ZEB1: variants seen among roughly 807,000 people sequenced by gnomAD.
ZEB1 encodes zinc finger E-box-binding homeobox 1.
A neutral mutation model predicts 84.9 loss-of-function variants in ZEB1; 21 were observed. The observed-to-expected ratio is 0.25, with a 90% confidence interval of 0.18 to 0.36. The LOEUF is 0.36. Ranked by LOEUF, ZEB1 falls within the 10% of genes least tolerant of loss-of-function variation. The pLI, the probability that ZEB1 is intolerant of heterozygous loss-of-function variation, is 1.00. For synonymous variants in ZEB1, 420 were observed against 471.1 expected (o/e 0.89, Z 1.41); for missense variants, 1,104 against 1,330.2 (o/e 0.83, Z 2.65).
intron 6 of ZEB1, among the ~76,000 whole-genome samples, chr10:31,515,291 GTGT>G (rs1442639523): frequency 1.3e-5 from 2 of 152,034 alleles, no homozygotes; most frequent in African/African-American, 2.4e-5. Context: ...TGCGATGAAA[GTGT>G]TGTGTCTATT....
In ZEB1 at chr10:31,465,760, T is replaced by C. The variant is rs549127047; in HGVS notation, c.259+4523T>C. On this transcript the variant is annotated intron_variant, in intron 2 of 8. Transcript: ENST00000424869. ...TCCTAAGTAGCTAGGACTACAGGCA[T>C]ATGCCACCACATGTGGCTAATTTAA... Among the ~76,000 whole-genome samples, 8 of 151,616 alleles carry C rather than the reference T, an allele frequency of 5.3e-5. No individual in the cohort carries two copies. The East Asian group carries it at 1.6e-3, about 29-fold the overall frequency.
Position 31,521,932 on chromosome 10 carries a change from A to G in ZEB1, c.2600A>G (p.Asn867Ser), listed in dbSNP as rs745612409. Residue 867 changes from asparagine to serine, a missense_variant, in exon 7 of 9, where the codon AAT becomes AGT. By Grantham distance (46) the Asn-to-Ser change is conservative. This residue lies in a region of ZEB1 where 531 missense variants were observed against 575.2 expected (regional missense o/e 0.92). Transcript: ENST00000424869. The stretch of plus-strand genomic sequence containing the variant: ...TTGAAAGTGATCCAGCCAAATGGAA[A>G]TCAGGTAAAAAATAACCTCCATCCT... ...PPLKVIQPNG[N>S]QDERQDTSSE... 13 of 1,614,060 alleles carry G rather than the reference A, an allele frequency of 8.1e-6. No homozygotes were observed. The East Asian group carries it at 2.7e-4, about 33-fold the overall frequency.
chr10:31,370,509 G>C (rs1486745579), intron 1 of ZEB1, among the ~76,000 whole-genome samples: 12 of 152,122 alleles, frequency 7.9e-5, no homozygotes, highest in Non-Finnish European at 1.3e-4. Flanking sequence ...TTCTTAGTCT[G>C]AAGAGTTGGA....
intron 1 of ZEB1, among the ~76,000 whole-genome samples, chr10:31,413,592 G>GA (rs1270329205): frequency 4.6e-5 from 7 of 151,262 alleles, no homozygotes; most frequent in Non-Finnish European, 7.4e-5. Context: ...AAACAGATAT[G>GA]AAAGATAAGG....
In ZEB1 at chr10:31,345,116, T is replaced by G. The variant is rs528350699; in HGVS notation, c.58+25824T>G. On this transcript the variant is annotated intron_variant, in intron 1 of 8. Transcript: ENST00000424869. ...AGGCAGAAGGGAGTTGGGGAGGTGG[T>G]CAAGCCCAAATTAGCATGTTGAATA... is the stretch of plus-strand genomic sequence containing the variant. 3.3e-5 allele frequency among the ~76,000 whole-genome samples: 5 copies of G among 152,164 alleles called. No homozygotes were observed. In the East Asian group the frequency reaches 9.7e-4, roughly 29 times the overall value.
At chr10:31,380,087 A>G (rs1020656956) in intron 1 of ZEB1, among the ~76,000 whole-genome samples, 5 of 152,114 alleles carry the variant, frequency 3.3e-5, no homozygotes, top group African/African-American at 9.7e-5. Context: ...CAAGATCTGT[A>G]TAGCATTTGG....
Position 31,510,729 on chromosome 10 carries a change from A to G in ZEB1, c.541A>G (p.Lys181Glu). The G allele has an allele frequency of 6.2e-7, 1 of 1,613,936 alleles. No homozygotes were observed. Among genetic ancestry groups the G allele is most frequent in the Non-Finnish European group, 8.5e-7 (1 of 1,179,874 alleles). ...LTCPYCDRGY[K>E]RFTSLKEHIK... ...CTGTCCATATTGTGATAGAGGCTATAAACGCTTTACCTCTCTGAAAGAACA... is the reference window on the plus strand; with the variant it reads ...CTGTCCATATTGTGATAGAGGCTATGAACGCTTTACCTCTCTGAAAGAACA... Residue 181 changes from lysine (K) to glutamate (E), a missense_variant, in exon 5 of 9, where the codon AAA (lysine) becomes GAA (glutamate). Physicochemically the swap from Lys to Glu is moderately conservative, Grantham distance 56 (BLOSUM62 1). This residue lies in a region of ZEB1 where 71 missense variants were observed against 119.1 expected (regional missense o/e 0.60). Transcript: ENST00000424869.
chr10:31,470,070 C>T (rs2063003908), intron 2 of ZEB1, among the ~76,000 whole-genome samples: 1 of 151,674 alleles, frequency 6.6e-6, no homozygotes, highest in Admixed American at 6.6e-5. Flanking sequence ...TGTACATCAC[C>T]ATCATCAAAG....
chr10:31,524,112 AG>A lies in ZEB1; in HGVS notation c.2785+1del. On this transcript the variant is annotated frameshift_variant and splice_region_variant, in exon 8 of 9. Transcript: ENST00000424869. LOFTEE classifies it low-confidence loss of function (END_TRUNC). ...SLLRHKYEHTGKRPHECGICK... is the reference protein window; with the variant it reads ...SLLRHKYEHTXKRPHECGICK... ...TATTGAGACATAAATATGAACACAC[AG>A]GTATGTCAGTGAACACAAACATAAA... The A allele has an allele frequency of 6.2e-7, 1 of 1,613,590 alleles. No homozygotes were observed. Among genetic ancestry groups the A allele is most frequent in the Non-Finnish European group, 8.5e-7 (1 of 1,179,698 alleles).
chr10:31,330,372 A>G (rs926219351), intron 1 of ZEB1, among the ~76,000 whole-genome samples: 3 of 152,164 alleles, frequency 2.0e-5, no homozygotes, highest in Non-Finnish European at 2.9e-5. Context: ...GGGGTTTTCA[A>G]GGTTCTTCAT....
In ZEB1 at chr10:31,520,517, T is replaced by C; in HGVS notation, c.1185T>C (p.Val395=). 6.2e-7 allele frequency: 1 copy of C among 1,613,756 alleles called. No individual in the cohort carries two copies. The highest frequency in any genetic ancestry group is 8.5e-7 in the Non-Finnish European group (1 of 1,179,680). The change falls in exon 7 of 9, where the codon GTT becomes GTC. Residue 395 remains valine (V), a synonymous_variant. Transcript: ENST00000424869. The surrounding 1 kb of genome is among the most constrained non-coding windows in gnomAD (Gnocchi z 5.1). ...CTCCTCAGGGCATGGTGCAAGCTGT[T>C]GTTCTGCCAACAGTTGGTTTGGTGT... ...TSSPQGMVQA[V]VLPTVGLVSP...
chr10:31,319,599 C>G (rs2033169983), intron 1 of ZEB1: 1 of 380,114 alleles, frequency 2.6e-6, no homozygotes, highest in South Asian at 4.8e-5. Context: ...GCATCCCCGG[C>G]GCAGGGCGGG....
intron 4 of ZEB1, among the ~76,000 whole-genome samples, chr10:31,509,713 G>A (rs1313196537): frequency 6.6e-6 from 1 of 152,090 alleles, no homozygotes; most frequent in Non-Finnish European, 1.5e-5. Flanking sequence ...AATTATCTGT[G>A]GTGGTTTGTT....
intron 1 of ZEB1, among the ~76,000 whole-genome samples, chr10:31,372,058 G>A (rs935700603): frequency 2.0e-5 from 3 of 152,060 alleles, no homozygotes; most frequent in Non-Finnish European, 4.4e-5. Flanking sequence ...GAATATATGA[G>A]AATTTGAGGT....
intron 2 of ZEB1, among the ~76,000 whole-genome samples, chr10:31,488,795 T>C (rs1474250528): frequency 6.6e-6 from 1 of 151,246 alleles, no homozygotes; most frequent in Non-Finnish European, 1.5e-5. Flanking sequence ...GATTTTCTTA[T>C]CTTTTTCCTA....
intron 1 of ZEB1, among the ~76,000 whole-genome samples, chr10:31,399,302 T>A (rs2051446253): frequency 6.6e-6 from 1 of 152,054 alleles, no homozygotes; most frequent in Non-Finnish European, 1.5e-5. Flanking sequence ...GCCCCTGTAG[T>A]CTTCTTAGAA....
chr10:31,365,351 G>C (rs1356049486), intron 1 of ZEB1, among the ~76,000 whole-genome samples: 1 of 151,990 alleles, frequency 6.6e-6, no homozygotes, highest in Non-Finnish European at 1.5e-5. Context: ...CATACTCTTG[G>C]GTGTCTGGAC....
intron 1 of ZEB1, among the ~76,000 whole-genome samples, chr10:31,370,885 T>C (rs1234471762): frequency 6.6e-6 from 1 of 152,130 alleles, no homozygotes; most frequent in East Asian, 1.9e-4. Flanking sequence ...TAAGACTGTT[T>C]TTAAAAAAAT....
rs551247920 is a variant in ZEB1, at chr10:31,440,760, T to C, written c.59-20277T>C. Among the ~76,000 whole-genome samples the C allele has an allele frequency of 3.9e-4, 59 of 152,098 alleles. 2 individuals are homozygous for C. The highest frequency in any genetic ancestry group is 1.1e-3 in the African/African-American group (46 of 41,478). On this transcript the variant is annotated intron_variant, in intron 1 of 8. Coordinates refer to ENST00000424869, the MANE Select transcript of ZEB1 (RefSeq NM_001174096.2). ...AATCACAAGCATTCTTATACACCAA[T>C]AACAGACAAACAGAAAGCCAAATCA... is the stretch of plus-strand genomic sequence containing the variant.
Sources: gnomAD v4.1 joint callset for allele counts (sites outside exome capture counted in the v4.1 genomes callset) on GRCh38, gnomAD v4.1.1 for gene constraint, gnomAD v4.1.1 regional missense constraint, Gnocchi (gnomAD v3.1) non-coding constraint, MANE v1.5 for transcripts, NCBI Gene and HGNC (gene_info 2026-07-23, HGNC 2026-07-21) for gene names.